SLC9A7: variants seen among roughly 807,000 people sequenced by gnomAD.
SLC9A7 encodes solute carrier family 9 member A7.
A neutral mutation model predicts 52.6 loss-of-function variants in SLC9A7; 19 were observed. The observed-to-expected ratio is 0.36, with a 90% CI of 0.25 to 0.53. The LOEUF (loss-of-function observed/expected upper bound fraction) is 0.53. Ranked by LOEUF, SLC9A7 falls within the 20% of genes least tolerant of loss-of-function variation. The pLI, the probability that SLC9A7 is intolerant of heterozygous loss-of-function variation, is 0.91. For missense variants in SLC9A7, 455 were observed against 597.9 expected, an observed-to-expected ratio of 0.76 and a Z score of 2.49; for synonymous variants, 226 against 252.1, an observed-to-expected ratio of 0.90 and a Z score of 0.98.
chrX:46,684,354 G>A (rs758487374), intron 1 of SLC9A7, among the ~76,000 whole-genome samples: 2 of 110,460 alleles, frequency 1.8e-5, no homozygotes, highest in East Asian at 2.8e-4. Flanking sequence ...ACAGGCATGC[G>A]CTATCACACC....
chrX:46,604,111 G>A lies in SLC9A7; in HGVS notation c.*2841C>T, dbSNP rs1204135194. On this transcript the variant is annotated 3_prime_UTR_variant, in exon 17 of 17. Coordinates refer to ENST00000616978, the MANE Select transcript of SLC9A7 (RefSeq NM_001257291.2). ...GACTGGTCATTACTAAGATAACTCT[G>A]CTAAATAAAAAATCCTGTGCTGGTT... 8.9e-6 allele frequency: 1 copy of A among 112,603 alleles called. No individual in the cohort carries two copies. The highest frequency in any genetic ancestry group is 3.2e-5 in the African/African-American group (1 of 31,015). The allele number at this position is 112,603 out of a possible 1,213,427, so 9.3% of individuals were successfully genotyped here. A position where few individuals can be genotyped will look rare whatever the true frequency, so the allele number is the denominator to read the frequency against.
intron 1 of SLC9A7, among the ~76,000 whole-genome samples, chrX:46,751,476 A>G (rs1922231241): frequency 9.0e-6 from 1 of 111,617 alleles, no homozygotes; most frequent in African/African-American, 3.3e-5. Context: ...AATTTAAAAA[A>G]TACATGAACT....
At chrX:46,610,924 G>A (rs1255693858) in intron 16 of SLC9A7, among the ~76,000 whole-genome samples, 1 of 112,355 alleles carries the variant, frequency 8.9e-6, no homozygotes, top group Non-Finnish European at 1.9e-5. Flanking sequence ...CTATTACATA[G>A]ACATGAAAAG....
intron 3 of SLC9A7, among the ~76,000 whole-genome samples, chrX:46,675,202 A>G (rs1345155652): frequency 1.8e-5 from 2 of 109,119 alleles, no homozygotes; most frequent in Middle Eastern, 4.2e-3. Context: ...CATGAGTGGT[A>G]GCACAAAATC....
intron 1 of SLC9A7, among the ~76,000 whole-genome samples, chrX:46,738,838 C>T (rs1220695265): frequency 2.7e-5 from 3 of 110,534 alleles, no homozygotes; most frequent in African/African-American, 6.6e-5. Flanking sequence ...GTACCCACCC[C>T]GGGCACAGTT....
At chrX:46,609,514 C>T (rs1251205997) in intron 16 of SLC9A7, among the ~76,000 whole-genome samples, 2 of 108,912 alleles carry the variant, frequency 1.8e-5, no homozygotes, top group Non-Finnish European at 3.8e-5. Context: ...GCCTGGCCAA[C>T]GTGGTGAAAC....
chrX:46,705,885 C>CAAGG (rs766978896), intron 1 of SLC9A7, among the ~76,000 whole-genome samples: 1 of 110,857 alleles, frequency 9.0e-6, no homozygotes, highest in South Asian at 3.9e-4. Context: ...TCCTCTACCT[C>CAAGG]TTTCTTTTGT....
chrX:46,624,719 A>G (rs1943096447), intron 14 of SLC9A7, among the ~76,000 whole-genome samples: 1 of 112,215 alleles, frequency 8.9e-6, no homozygotes, highest in South Asian at 3.7e-4. Flanking sequence ...TGTTTGGGGG[A>G]AAAAAACGCC....
In SLC9A7 at chrX:46,606,620, A is replaced by G; in HGVS notation, c.*332T>C. 1 of 914,113 alleles carries G rather than the reference A, an allele frequency of 1.1e-6. No homozygotes were observed. Among genetic ancestry groups the G allele is most frequent in the African/African-American group, 2.0e-5 (1 of 49,747 alleles). 75.3% of individuals were successfully genotyped at this position (914,113 alleles called of 1,213,427 possible). On this transcript the variant is annotated 3_prime_UTR_variant, in exon 17 of 17. Transcript: ENST00000616978. ...TCTCATGGGAGGAATCCCCCCACCC[A>G]GCACCTGCCTCGCCTTGTTCAGATA...
At chrX:46,690,664 CAT>C (rs1165794110) in intron 1 of SLC9A7, among the ~76,000 whole-genome samples, 3 of 111,576 alleles carry the variant, frequency 2.7e-5, no homozygotes, top group African/African-American at 9.8e-5. Context: ...GCTCTGGTAT[CAT>C]ATCTAAAAAA....
chrX:46,656,165 T>A (rs1207380059), intron 7 of SLC9A7, among the ~76,000 whole-genome samples: 1 of 111,759 alleles, frequency 8.9e-6, no homozygotes, highest in East Asian at 2.8e-4. Flanking sequence ...GAGGGTCCTG[T>A]CTGTTAGAAG....
At chrX:46,665,557 C>CAAAA (rs754854403) in intron 5 of SLC9A7, among the ~76,000 whole-genome samples, 6 of 21,730 alleles carry the variant, frequency 2.8e-4, no homozygotes, top group Non-Finnish European at 4.8e-4. Flanking sequence ...GACTCCATCT[C>CAAAA]AAAAAAAAAA....
chrX:46,624,104 T>G (rs1382380585), intron 14 of SLC9A7, among the ~76,000 whole-genome samples: 5 of 112,772 alleles, frequency 4.4e-5, no homozygotes, highest in Admixed American at 1.9e-4. Context: ...CCCATCCCCA[T>G]CCTTTGCCCT....
At chrX:46,631,722 C>CTACT in intron 13 of SLC9A7, 73 bp from the exon 14 acceptor site, 3 of 818,763 alleles carry the variant, frequency 3.7e-6, no homozygotes, top group African/African-American at 4.0e-5. Flanking sequence ...GCCATGCAGG[C>CTACT]TGCAAGTAGC....
chrX:46,692,910 C>A (rs7892804), intron 1 of SLC9A7, among the ~76,000 whole-genome samples: 36 of 110,651 alleles, frequency 3.3e-4, no homozygotes, highest in African/African-American at 1.1e-3. Flanking sequence ...TGGTCTCAGG[C>A]CCCTTTTATT....
At chrX:46,739,797 T>A (rs1343529927) in intron 1 of SLC9A7, among the ~76,000 whole-genome samples, 1 of 111,680 alleles carries the variant, frequency 9.0e-6, no homozygotes, top group Non-Finnish European at 1.9e-5. Flanking sequence ...TTTACCAGAT[T>A]TTCCCACAAT....
chrX:46,652,964 T>A (rs1339887228), intron 8 of SLC9A7, among the ~76,000 whole-genome samples: 1 of 112,550 alleles, frequency 8.9e-6, no homozygotes, highest in Non-Finnish European at 1.9e-5. Flanking sequence ...TGCTACTGTT[T>A]GCAAAATAAC....
intron 15 of SLC9A7, among the ~76,000 whole-genome samples, chrX:46,616,064 T>G (rs1442135338): frequency 1.8e-5 from 2 of 109,131 alleles, no homozygotes; most frequent in Non-Finnish European, 3.8e-5. Context: ...CTCAGGCATG[T>G]AATCCCAGCA....
chrX:46,754,010 T>A (rs868961271), intron 1 of SLC9A7, among the ~76,000 whole-genome samples: 3 of 92,794 alleles, frequency 3.2e-5, no homozygotes, highest in Admixed American at 1.2e-4. Flanking sequence ...ATAATAATAA[T>A]AAATAAAATT....
Sources: gnomAD v4.1 joint callset for allele counts (sites outside exome capture counted in the v4.1 genomes callset) on GRCh38, gnomAD v4.1.1 for gene constraint, MANE v1.5 for transcripts, NCBI Gene and HGNC (gene_info 2026-07-23, HGNC 2026-07-21) for gene names.